Variants in PRMT8 observed in about 807,000 individuals in gnomAD.
The protein encoded by PRMT8 is protein arginine N-methyltransferase 8.
Under a neutral mutation model 47.1 loss-of-function variants are expected in PRMT8, and 7 were observed. That is an observed-to-expected ratio of 0.15 (90% CI 0.08 to 0.28). The LOEUF (loss-of-function observed/expected upper bound fraction) is 0.28, where lower values mean the gene tolerates loss of function less well. Ranked by LOEUF, PRMT8 falls within the 10% of genes least tolerant of loss-of-function variation. PRMT8 has a pLI of 1.00. For synonymous variants in PRMT8, 188 were observed against 186.5 expected (o/e 1.01, Z -0.07); for missense variants, 237 against 505.4 (o/e 0.47, Z 5.09).
At chr12:3,392,326 G>A (rs2137046143) in intron 1 of PRMT8, among the ~76,000 whole-genome samples, 1 of 150,816 alleles carries the variant, frequency 6.6e-6, no homozygotes, top group South Asian at 2.1e-4. Flanking sequence ...TCATCATCTA[G>A]CATTAGGTAT....
At chr12:3,555,292 C>T (rs192845022) in intron 4 of PRMT8, among the ~76,000 whole-genome samples, 20 of 152,304 alleles carry the variant, frequency 1.3e-4, no homozygotes, top group African/African-American at 4.1e-4. Context: ...CCCATGGCTG[C>T]GTTAGGTTAG....
chr12:3,515,048 A>G (rs950052638), intron 1 of PRMT8, among the ~76,000 whole-genome samples: 3 of 152,206 alleles, frequency 2.0e-5, no homozygotes, highest in Non-Finnish European at 4.4e-5. Flanking sequence ...TCCTAAAAAA[A>G]TCCTCTAAGG....
intron 2 of PRMT8, among the ~76,000 whole-genome samples, chr12:3,545,990 A>G (rs1425431577): frequency 6.6e-6 from 1 of 152,270 alleles, no homozygotes; most frequent in East Asian, 1.9e-4. Context: ...AAAGTCATGC[A>G]GAGTATGTTT....
At position 3,470,154 on chromosome 12, in the gene PRMT8, T is replaced by C. The variant is rs12298576; in HGVS notation, c.49-70452T>C. Among the ~76,000 whole-genome samples the C allele has an allele frequency of 7.4e-3, 1,124 of 152,162 alleles. 14 individuals are homozygous for C. The highest frequency in any genetic ancestry group is 0.024 in the African/African-American group (977 of 41,498). On this transcript the variant is annotated intron_variant, in intron 1 of 9. Coordinates refer to the PRMT8 transcript ENST00000452611. ...CAAAATTGCCAACCTTTTAAAGAAA[T>C]ATTGAAACCCCTGGTTTCAAATAGC...
intron 2 of PRMT8, among the ~76,000 whole-genome samples, chr12:3,541,828 C>T (rs560052591): frequency 8.5e-5 from 13 of 152,290 alleles, no homozygotes; most frequent in African/African-American, 3.1e-4. Context: ...TTCATTTATT[C>T]TTCAGGTCAA....
intron 8 of PRMT8, among the ~76,000 whole-genome samples, chr12:3,589,729 G>A (rs1867258832): frequency 6.6e-6 from 1 of 152,178 alleles, no homozygotes; most frequent in Admixed American, 6.5e-5. Context: ...TTGATATCAA[G>A]GAAAATAATC....
intron 4 of PRMT8, among the ~76,000 whole-genome samples, chr12:3,567,382 C>A (rs886321333): frequency 1.3e-5 from 2 of 152,224 alleles, no homozygotes; most frequent in Non-Finnish European, 1.5e-5. Flanking sequence ...CCCATGCTCT[C>A]ATCAAAATAT....
chr12:3,568,039 T>C (rs1866756773), intron 4 of PRMT8, among the ~76,000 whole-genome samples: 3 of 146,544 alleles, frequency 2.0e-5, no homozygotes, highest in South Asian at 4.3e-4. Context: ...GCCACTGCAC[T>C]CCAGCCTGGG....
chr12:3,560,740 T>C (rs963944350), intron 4 of PRMT8, among the ~76,000 whole-genome samples: 11 of 152,214 alleles, frequency 7.2e-5, no homozygotes, highest in African/African-American at 2.2e-4. Flanking sequence ...CAAGAAACTT[T>C]AAGGTAGCAT....
chr12:3,451,514 T>C (rs1864918895), intron 1 of PRMT8, among the ~76,000 whole-genome samples: 1 of 152,194 alleles, frequency 6.6e-6, no homozygotes, highest in Non-Finnish European at 1.5e-5. Context: ...TTTGCTCTTG[T>C]TTTCTAAGTT....
chr12:3,553,778 T>A, intron 4 of PRMT8, 64 bp downstream of exon 4: 1 of 1,434,002 alleles, frequency 7.0e-7, no homozygotes, highest in South Asian at 1.1e-5. Context: ...ACTTTCTTGT[T>A]GGGATGGCAT....
At position 3,550,745 on chromosome 12, in the gene PRMT8, G is replaced by A. The variant is rs1866402982; in HGVS notation, c.417+654G>A. On this transcript the variant is annotated intron_variant, in intron 3 of 9. Transcript: ENST00000382622. The surrounding 1 kb of genome is among the most constrained non-coding windows in gnomAD (Gnocchi z 5.1). ...TGGCAGCGTTTCCAGGCTAGATGTG[G>A]AGGCTGACCCTCTGGGAAGCCTCCT... The A allele has an allele frequency of 6.6e-6, 1 of 152,184 alleles. No homozygotes were observed. Among genetic ancestry groups the A allele is most frequent in the African/African-American group, 2.4e-5 (1 of 41,432 alleles). The allele number at this position is 152,184 out of a possible 1,614,324, so 9.4% of individuals were successfully genotyped here.
At position 3,525,623 on chromosome 12, in the gene PRMT8, G is replaced by A. The variant is rs574266714; in HGVS notation, c.76-14983G>A. Among the ~76,000 whole-genome samples the A allele has an allele frequency of 3.9e-5, 6 of 152,136 alleles. No individual in the cohort carries two copies. In the South Asian group the frequency reaches 1.2e-3, roughly 32 times the overall value. ...CTTTCCCCCTCCTTTTAGGAGTGAA[G>A]AAACCTCATGAGTGAGTTCACACTT... On this transcript the variant is annotated intron_variant, in intron 1 of 9. Coordinates refer to ENST00000382622, the MANE Select transcript of PRMT8 (RefSeq NM_019854.5).
At chr12:3,582,457 G>A (rs956956674) in intron 7 of PRMT8, among the ~76,000 whole-genome samples, 1 of 152,336 alleles carries the variant, frequency 6.6e-6, no homozygotes, top group South Asian at 2.1e-4. Context: ...CTGTGACTTT[G>A]TGGGCTCAGG....
At chr12:3,524,860 T>C (rs1865929109) in intron 1 of PRMT8, among the ~76,000 whole-genome samples, 1 of 152,186 alleles carries the variant, frequency 6.6e-6, no homozygotes, top group South Asian at 2.1e-4. Context: ...TTCACTGTTC[T>C]CCAAGTCTCT....
rs924606821 is a variant in PRMT8, at chr12:3,409,393, C to T, written c.48+27951C>T. On this transcript the variant is annotated intron_variant, in intron 1 of 9. Transcript: ENST00000452611. The surrounding 1 kb of genome is among the most constrained non-coding windows in gnomAD (Gnocchi z 4.4). ...TCAGGCCCTGGGGAATAAGGCACCA[C>T]GTAGTGGTGTCTCTAGACCTTGGGA... Among the ~76,000 whole-genome samples the T allele has an allele frequency of 6.6e-6, 1 of 152,144 alleles. No individual in the cohort carries two copies.
In PRMT8 at chr12:3,511,867, C is replaced by T. The variant is rs76804240; in HGVS notation, c.75+20167C>T. On this transcript the variant is annotated intron_variant, in intron 1 of 9. Coordinates refer to ENST00000382622, the MANE Select transcript of PRMT8 (RefSeq NM_019854.5). ...ATCCATTAAAGCCATCCTTCTTTGG[C>T]TTCCTAAGTGTGTAGTGCTGGACCA... 5.5e-3 allele frequency among the ~76,000 whole-genome samples: 845 copies of T among 152,332 alleles called. 15 individuals carry two copies. Among genetic ancestry groups the T allele is most frequent in the African/African-American group, 0.019 (800 of 41,572 alleles).
In PRMT8 at chr12:3,456,613, G is replaced by T. The variant is rs528047637; in HGVS notation, c.48+75171G>T. On this transcript the variant is annotated intron_variant, in intron 1 of 9. Transcript: ENST00000452611. The surrounding 1 kb of genome is among the most constrained non-coding windows in gnomAD (Gnocchi z 4.2). ...ACCATCCGTCTGAATTACCCACAGGGTGAGGATGAAAGGCGAGGGAATGAG... is the reference window on the plus strand; with the variant it reads ...ACCATCCGTCTGAATTACCCACAGGTTGAGGATGAAAGGCGAGGGAATGAG... 5.9e-5 allele frequency among the ~76,000 whole-genome samples: 9 copies of T among 152,290 alleles called. No homozygotes were observed. In the East Asian group the frequency reaches 1.7e-3, roughly 29 times the overall value.
At chr12:3,478,054 A>G (rs1865232572) in intron 1 of PRMT8, among the ~76,000 whole-genome samples, 1 of 152,258 alleles carries the variant, frequency 6.6e-6, no homozygotes, top group African/African-American at 2.4e-5. Context: ...CTAAGAGTGT[A>G]AAGAAGAAAA....
Sources: gnomAD v4.1 joint callset for allele counts (sites outside exome capture counted in the v4.1 genomes callset) on GRCh38, gnomAD v4.1.1 for gene constraint, Gnocchi (gnomAD v3.1) non-coding constraint, MANE v1.5 for transcripts, NCBI Gene and HGNC (gene_info 2026-07-23, HGNC 2026-07-21) for gene names.